Variants in TRHDE observed in about 807,000 individuals in gnomAD.
The protein encoded by TRHDE is thyrotropin releasing hormone degrading enzyme, also known as thyrotropin-releasing hormone-degrading ectoenzyme.
In TRHDE, 72 loss-of-function variants were observed where a neutral mutation model predicts 125.7. The ratio of observed to expected loss-of-function variants is 0.57; its 90% CI spans 0.47 to 0.70. TRHDE has a LOEUF of 0.70. Among genes scored for constraint, TRHDE ranks in the 30% least tolerant of loss-of-function variants. TRHDE has a pLI of 0.00. For missense variants in TRHDE, 1,110 were observed against 1,327.1 expected, an observed-to-expected ratio of 0.84 and a Z score of 2.54; for synonymous variants, 509 against 509.1, an observed-to-expected ratio of 1.00 and a Z score of 0.00.
chr12:72,378,195 G>C (rs1384267668), intron 3 of TRHDE, 74 bp downstream of exon 3: 93 of 1,399,356 alleles, frequency 6.6e-5, no homozygotes, highest in Non-Finnish European at 8.7e-5. Flanking sequence ...GTTTATTTGA[G>C]CCATCCAGAA....
chr12:72,372,866 G>A (rs188187655), intron 2 of TRHDE, among the ~76,000 whole-genome samples: 2,153 of 152,226 alleles, frequency 0.014, 64 homozygotes, highest in African/African-American at 0.048. Flanking sequence ...TTGACTTGGC[G>A]ATGTGGGCTC....
intron 5 of TRHDE, among the ~76,000 whole-genome samples, chr12:72,496,429 A>C: frequency 6.6e-6 from 1 of 152,320 alleles, no homozygotes; most frequent in South Asian, 2.1e-4. Flanking sequence ...ACATGGCGGC[A>C]GGCAAGTGAG....
chr12:72,223,428 A>G (rs1361535397), intron 2 of TRHDE, among the ~76,000 whole-genome samples: 3 of 152,140 alleles, frequency 2.0e-5, no homozygotes, highest in African/African-American at 7.2e-5. Flanking sequence ...AAGCCAAGCC[A>G]AATAAAGTAG....
chr12:72,575,509 C>T lies in TRHDE; in HGVS notation c.2288C>T (p.Ala763Val), dbSNP rs1292636475. Residue 763 changes from alanine to valine, a missense_variant, in exon 12 of 19, where the codon GCG becomes GTG. Around this residue, in one of 5 missense-constraint regions of TRHDE, gnomAD observed 527 missense variants for 651.8 expected, o/e 0.81. Coordinates refer to ENST00000261180, the MANE Select transcript of TRHDE (RefSeq NM_013381.3). ...NHEVLSVSNR[A>V]GLIDDAFSLA... is the part of the protein sequence containing the mutation. Reference sequence around the variant, plus strand: ...CAGGTTCTTTCTGTCAGTAACCGAGCGGGCTTGATCGATGATGCCTTCAGC... The same window carrying T: ...CAGGTTCTTTCTGTCAGTAACCGAGTGGGCTTGATCGATGATGCCTTCAGC... 22 of 1,613,482 alleles carry T rather than the reference C, an allele frequency of 1.4e-5. No homozygotes were observed. Among genetic ancestry groups the T allele is most frequent in the South Asian group, 3.3e-5 (3 of 91,076 alleles).
chr12:72,542,298 C>T lies in TRHDE; in HGVS notation c.1730C>T (p.Ala577Val), dbSNP rs762033914. The change falls in exon 7 of 19, where the codon GCT (alanine) becomes GTT (valine). Residue 577 changes from alanine (A) to valine (V), a missense_variant. This residue lies in a region of TRHDE where 527 missense variants were observed against 651.8 expected (regional missense o/e 0.81). Transcript: ENST00000261180. ...FDWIAYKKGA[A>V]LIRMLANFMG... ...TATTATTCTTTCCTATAGGGTGCTG[C>T]TTTAATAAGAATGCTGGCTAATTTT... 6 of 1,603,216 alleles carry T rather than the reference C, an allele frequency of 3.7e-6. No individual in the cohort carries two copies. The African/African-American group carries it at 8.1e-5, about 22-fold the overall frequency.
intron 2 of TRHDE, among the ~76,000 whole-genome samples, chr12:72,153,521 T>C (rs1322814516): frequency 6.6e-6 from 1 of 152,234 alleles, no homozygotes; most frequent in Non-Finnish European, 1.5e-5. Context: ...CTGCTTTCTC[T>C]TGTGGACATT....
At chr12:72,596,797 C>T (rs75222520) in intron 12 of TRHDE, among the ~76,000 whole-genome samples, 170 of 151,904 alleles carry the variant, frequency 1.1e-3, no homozygotes, top group Non-Finnish European at 2.0e-3. Flanking sequence ...CAAAGAGACT[C>T]AAAATAAAGT....
intron 3 of TRHDE, among the ~76,000 whole-genome samples, chr12:72,383,617 T>A (rs1872283210): frequency 6.6e-6 from 1 of 152,010 alleles, no homozygotes; most frequent in African/African-American, 2.4e-5. Flanking sequence ...CCTCAGGTGA[T>A]CCACCTGCCT....
intron 9 of TRHDE, among the ~76,000 whole-genome samples, chr12:72,563,593 T>TAA (rs1870288982): frequency 6.6e-6 from 1 of 152,184 alleles, no homozygotes; most frequent in Non-Finnish European, 1.5e-5. Flanking sequence ...ATACACAGAA[T>TAA]CTTTATTTGT....
intron 7 of TRHDE, among the ~76,000 whole-genome samples, chr12:72,560,232 C>A (rs930008034): frequency 2.6e-5 from 4 of 152,094 alleles, no homozygotes; most frequent in Admixed American, 6.6e-5. Flanking sequence ...CAGAGACAGG[C>A]AAGTTGGAAA....
At chr12:72,394,969 G>A (rs779492203) in intron 3 of TRHDE, among the ~76,000 whole-genome samples, 2 of 152,078 alleles carry the variant, frequency 1.3e-5, no homozygotes, top group African/African-American at 4.8e-5. Context: ...CATGATGCTT[G>A]GAAATATGTA....
intron 12 of TRHDE, among the ~76,000 whole-genome samples, chr12:72,587,109 ATTAC>A (rs1871473050): frequency 6.6e-6 from 1 of 152,148 alleles, no homozygotes; most frequent in African/African-American, 2.4e-5. Context: ...TGAGGGAAAT[ATTAC>A]TTATCCTTTT....
At chr12:72,409,530 T>C (rs1402441151) in intron 3 of TRHDE, among the ~76,000 whole-genome samples, 1 of 152,230 alleles carries the variant, frequency 6.6e-6, no homozygotes, top group African/African-American at 2.4e-5. Context: ...CTGAGCACTG[T>C]TGAAACTGGT....
intron 12 of TRHDE, among the ~76,000 whole-genome samples, chr12:72,597,707 G>GTGTA (rs140986011): frequency 2.1e-4 from 10 of 47,636 alleles, no homozygotes; most frequent in African/African-American, 3.4e-4. Flanking sequence ...ATATGTGTGT[G>GTGTA]TGTATGTATA....
intron 2 of TRHDE, among the ~76,000 whole-genome samples, chr12:72,234,246 CA>C (rs1315437046): frequency 2.0e-5 from 3 of 152,044 alleles, no homozygotes; most frequent in Non-Finnish European, 4.4e-5. Context: ...ACAGCTTTGT[CA>C]AAAAGATGTT....
At chr12:72,114,953 T>C (rs149641090) in intron 2 of TRHDE, among the ~76,000 whole-genome samples, 2 of 152,214 alleles carry the variant, frequency 1.3e-5, no homozygotes, top group African/African-American at 2.4e-5. Context: ...AAATTTCTTA[T>C]TTTAAAATTT....
chr12:72,378,583 T>C (rs1872004491), intron 3 of TRHDE, among the ~76,000 whole-genome samples: 1 of 152,212 alleles, frequency 6.6e-6, no homozygotes, highest in Admixed American at 6.5e-5. Context: ...CTCAATATTT[T>C]ACATGGAGAA....
At chr12:72,532,313 T>C (rs1262411914) in intron 6 of TRHDE, among the ~76,000 whole-genome samples, 1 of 151,772 alleles carries the variant, frequency 6.6e-6, no homozygotes, top group Non-Finnish European at 1.5e-5. Flanking sequence ...ATCTCTTTGC[T>C]ATACTCTTTT....
In TRHDE at chr12:72,500,250, T is replaced by C. The variant is rs558500950; in HGVS notation, c.1722+615T>C. On this transcript the variant is annotated intron_variant, in intron 6 of 18. Coordinates refer to ENST00000261180, the MANE Select transcript of TRHDE (RefSeq NM_013381.3). ...GGATTAGGATTTTTCTTTATATCTG[T>C]ATCTCTTAGTTGTTCTAATTTTAAC... Among the ~76,000 whole-genome samples the C allele has an allele frequency of 8.2e-4, 125 of 152,322 alleles. 1 individual carries two copies. Among genetic ancestry groups the C allele is most frequent in the African/African-American group, 2.9e-3 (119 of 41,576 alleles).
Sources: gnomAD v4.1 joint callset for allele counts (sites outside exome capture counted in the v4.1 genomes callset) on GRCh38, gnomAD v4.1.1 for gene constraint, gnomAD v4.1.1 regional missense constraint, MANE v1.5 for transcripts, NCBI Gene and HGNC (gene_info 2026-07-23, HGNC 2026-07-21) for gene names.